Variants in SCP2 observed in about 807,000 individuals in gnomAD.
SCP2 encodes SCP-2/3-oxoacyl-CoA thiolase.
SCP2 carries 48 observed loss-of-function variants against 71.4 expected under a neutral mutation model. That is an observed-to-expected ratio of 0.67 (90% CI 0.53 to 0.86). The LOEUF is 0.86. SCP2 is among the 40% of genes least tolerant of loss of function. SCP2 has a pLI of 0.00. For synonymous variants in SCP2, 220 were observed against 218.1 expected (o/e 1.01, Z -0.08); for missense variants, 560 against 655.6 (o/e 0.85, Z 1.59).
intron 9 of SCP2, among the ~76,000 whole-genome samples, chr1:52,978,574 C>CT (rs1658192861): frequency 1.3e-5 from 2 of 152,104 alleles, no homozygotes; most frequent in Non-Finnish European, 2.9e-5. Flanking sequence ...CTTTTCTTTT[C>CT]TTTCTTTCAA....
At chr1:53,034,959 G>A (rs185263845) in intron 13 of SCP2, among the ~76,000 whole-genome samples, 2 of 152,172 alleles carry the variant, frequency 1.3e-5, no homozygotes, top group East Asian at 3.9e-4. Flanking sequence ...CAAAAAATTA[G>A]CCAGGTGTGG....
chr1:53,003,156 C>T (rs956226360), intron 11 of SCP2, among the ~76,000 whole-genome samples: 7 of 152,204 alleles, frequency 4.6e-5, no homozygotes. Flanking sequence ...GGTGTCTACT[C>T]TAGATACCTG....
At chr1:53,025,339 C>G (rs1662046895) in intron 12 of SCP2, among the ~76,000 whole-genome samples, 1 of 152,166 alleles carries the variant, frequency 6.6e-6, no homozygotes, top group Non-Finnish European at 1.5e-5. Flanking sequence ...CTCTATAATT[C>G]TGTTACAGTC....
At chr1:53,037,544 A>C (rs1445487494) in intron 13 of SCP2, among the ~76,000 whole-genome samples, 1 of 152,158 alleles carries the variant, frequency 6.6e-6, no homozygotes, top group East Asian at 1.9e-4. Flanking sequence ...GGGAGGGAGA[A>C]GGGAAACCCC....
intron 11 of SCP2, among the ~76,000 whole-genome samples, chr1:53,007,591 C>T (rs1660715604): frequency 6.6e-6 from 1 of 152,138 alleles, no homozygotes; most frequent in Non-Finnish European, 1.5e-5. Flanking sequence ...AGAACAAAGA[C>T]ACAACATACC....
intron 13 of SCP2, among the ~76,000 whole-genome samples, chr1:53,037,879 T>TACACACACACACACACACAC (rs34293671): frequency 8.3e-5 from 7 of 84,560 alleles, no homozygotes; most frequent in Admixed American, 1.6e-4. Flanking sequence ...TGTCTCTACA[T>TACACACACACACACACACAC]ACACACACAC....
At chr1:53,018,228 G>A (rs1026299895) in intron 12 of SCP2, among the ~76,000 whole-genome samples, 12 of 152,090 alleles carry the variant, frequency 7.9e-5, no homozygotes, top group African/African-American at 2.9e-4. Flanking sequence ...ATAATACAAG[G>A]AACTCCCTTA....
intron 14 of SCP2, among the ~76,000 whole-genome samples, chr1:53,041,631 C>T (rs1265112342): frequency 6.6e-6 from 1 of 151,942 alleles, no homozygotes; most frequent in Non-Finnish European, 1.5e-5. Context: ...TCTAAGTGAG[C>T]GGAGAGGATG....
In SCP2 at chr1:52,949,224, C is replaced by T. The variant is rs148421082; in HGVS notation, c.199+1144C>T. 9.2e-5 allele frequency among the ~76,000 whole-genome samples: 14 copies of T among 152,170 alleles called. No individual in the cohort carries two copies. The East Asian group carries it at 1.9e-3, about 21-fold the overall frequency. On this transcript the variant is annotated intron_variant, in intron 3 of 15. Transcript: ENST00000371514. ...TATCAAGAGAATTCTAGAAGGGAAACGTACTGGGTTAAAGGGATGCAGAAT... is the reference window on the plus strand; with the variant it reads ...TATCAAGAGAATTCTAGAAGGGAAATGTACTGGGTTAAAGGGATGCAGAAT...
Position 53,021,317 on chromosome 1 carries a change from C to CTTT in SCP2, c.1235+6289_1235+6291dup, listed in dbSNP as rs35858975. On this transcript the variant is annotated intron_variant, in intron 12 of 15. Coordinates refer to ENST00000371514, the MANE Select transcript of SCP2 (RefSeq NM_002979.5). ...AGCCACCATGCCTGGCCGTCAACCA[C>CTTT]TTTTTTTTTTTTTTTTTGAGATGGA... Among the ~76,000 whole-genome samples the CTTT allele has an allele frequency of 1.4e-3, 176 of 127,330 alleles. 4 individuals carry two copies. The highest frequency in any genetic ancestry group is 9.0e-3 in the Middle Eastern group (2 of 222). 83.5% of individuals were successfully genotyped at this position (127,330 alleles called of 152,430 possible). A position where few individuals can be genotyped will look rare whatever the true frequency, so the allele number is the denominator to read the frequency against.
intron 1 of SCP2, among the ~76,000 whole-genome samples, chr1:52,939,205 A>G (rs535810858): frequency 6.6e-6 from 1 of 152,312 alleles, no homozygotes; most frequent in South Asian, 2.1e-4. Context: ...CCTGAAGGAC[A>G]TCTTGATTGC....
chr1:53,036,019 C>CAAAAAAA (rs35164089), intron 13 of SCP2, among the ~76,000 whole-genome samples: 15 of 63,214 alleles, frequency 2.4e-4, no homozygotes, highest in South Asian at 5.3e-4. Flanking sequence ...GACTCCGTCT[C>CAAAAAAA]AAAAAAAAAA....
intron 5 of SCP2, among the ~76,000 whole-genome samples, chr1:52,957,628 C>G (rs1288985552): frequency 6.6e-6 from 1 of 152,208 alleles, no homozygotes; most frequent in Non-Finnish European, 1.5e-5. Context: ...ATGACTGTGC[C>G]ACTGCACCCC....
chr1:52,977,933 T>G (rs899856710), intron 8 of SCP2, among the ~76,000 whole-genome samples: 9 of 149,482 alleles, frequency 6.0e-5, no homozygotes, highest in African/African-American at 1.5e-4. Context: ...ACCATTATAC[T>G]CCAGCCTAGG....
chr1:52,941,941 A>G (rs928362216), intron 2 of SCP2, 88 bp downstream of exon 2: 1 of 938,174 alleles, frequency 1.1e-6, no homozygotes, highest in Admixed American at 1.8e-5. Flanking sequence ...TTGCAAGCAC[A>G]AAAGGAAGCC....
intron 5 of SCP2, among the ~76,000 whole-genome samples, chr1:52,961,028 A>G (rs1656380884): frequency 6.7e-6 from 1 of 148,454 alleles, no homozygotes; most frequent in African/African-American, 2.5e-5. Context: ...CTGGGATTAC[A>G]GGTGTGAGCC....
At chr1:52,988,195 A>G in intron 11 of SCP2, 59 bp downstream of exon 11, 1 of 860,440 alleles carries the variant, frequency 1.2e-6, no homozygotes, top group Non-Finnish European at 2.0e-6. Flanking sequence ...AGTGTGAATG[A>G]GTTAGTCTTT....
intron 6 of SCP2, among the ~76,000 whole-genome samples, chr1:52,964,816 C>T (rs765098335): frequency 4.6e-5 from 7 of 152,106 alleles, no homozygotes; most frequent in African/African-American, 7.2e-5. Context: ...AGTTCAAGAC[C>T]AGCCTGGCCA....
intron 13 of SCP2, among the ~76,000 whole-genome samples, chr1:53,038,562 G>T (rs564422694): frequency 6.6e-6 from 1 of 151,996 alleles, no homozygotes; most frequent in Non-Finnish European, 1.5e-5. Context: ...GCACCACCAT[G>T]CCTGGCTAAT....
Sources: allele counts gnomAD v4.1 joint callset (sites outside exome capture counted in the v4.1 genomes callset), GRCh38; gene constraint gnomAD v4.1.1; transcripts MANE v1.5; gene names NCBI Gene and HGNC (gene_info 2026-07-23, HGNC 2026-07-21).